OPA3: variants seen among roughly 807,000 people sequenced by gnomAD.
The protein encoded by OPA3 is optic atrophy 3 protein.
Under a neutral mutation model 4.0 loss-of-function variants are expected in OPA3, and 6 were observed. That is an observed-to-expected ratio of 1.51 (90% CI 0.83 to 2.99). OPA3 has a LOEUF of 2.99. OPA3 is among the 30% of genes most tolerant of loss of function. OPA3 has a pLI of 0.00. For synonymous variants in OPA3, 105 were observed against 117.1 expected (o/e 0.90, Z 0.67); for missense variants, 235 against 256.2 (o/e 0.92, Z 0.56).
intron 1 of OPA3, among the ~76,000 whole-genome samples, chr19:45,556,791 A>C (rs1171387073): frequency 2.0e-5 from 3 of 152,168 alleles, no homozygotes; most frequent in African/African-American, 7.2e-5. Context: ...CAGCTGCTGC[A>C]GTTACTGTTA....
chr19:45,550,032 C>T lies in OPA3; in HGVS notation c.*3482G>A, dbSNP rs1969308595. The T allele has an allele frequency of 2.2e-6, 1 of 457,880 alleles. No homozygotes were observed. Among genetic ancestry groups the T allele is most frequent in the Admixed American group, 6.4e-5 (1 of 15,620 alleles). The allele number at this position is 457,880 out of a possible 1,614,324, so 28.4% of individuals were successfully genotyped here. On this transcript the variant is annotated 3_prime_UTR_variant, in exon 2 of 2. Coordinates refer to ENST00000263275, the MANE Select transcript of OPA3 (RefSeq NM_025136.4). ...ATTAGCCAGGCGTGGGTGGTGGGCA[C>T]ATGTAATCCCAGCTACTTCGGAAGC...
At chr19:45,555,167 T>C (rs1969401768) in intron 1 of OPA3, among the ~76,000 whole-genome samples, 1 of 152,154 alleles carries the variant, frequency 6.6e-6, no homozygotes, top group Admixed American at 6.6e-5. Context: ...AACTTAGCAT[T>C]TAGAACCTTA....
chr19:45,544,899 C>T (rs1409789554), downstream of OPA3, among the ~76,000 whole-genome samples: 25 of 152,114 alleles, frequency 1.6e-4, no homozygotes, highest in Non-Finnish European at 2.9e-5. Flanking sequence ...AGGAGAATCG[C>T]TTGAAGCCAG....
chr19:45,558,371 G>A (rs1295383907), intron 1 of OPA3, among the ~76,000 whole-genome samples: 2 of 151,860 alleles, frequency 1.3e-5, no homozygotes, highest in African/African-American at 2.4e-5. Flanking sequence ...ATTCCCCGTC[G>A]CCCCACCCCC....
intron 1 of OPA3, among the ~76,000 whole-genome samples, chr19:45,569,993 G>A (rs1301584203): frequency 6.6e-6 from 1 of 152,170 alleles, no homozygotes; most frequent in African/African-American, 2.4e-5. Context: ...AATTACAGAT[G>A]AGCACAAACT....
exon 2 of OPA3, chr19:45,529,126 T>A: frequency 6.2e-7 from 1 of 1,608,870 alleles, no homozygotes; most frequent in Non-Finnish European, 8.5e-7. Context: ...GGCTCGCACC[T>A]CCTGCAGCTG....
intron 1 of OPA3, among the ~76,000 whole-genome samples, chr19:45,564,857 G>A (rs937009921): frequency 5.9e-5 from 9 of 152,086 alleles, no homozygotes; most frequent in African/African-American, 2.2e-4. Flanking sequence ...ATGCTCAAAT[G>A]TCCTATCATA....
Position 45,530,927 on chromosome 19 carries a change from C to CTTTT in OPA3, c.143-1475_143-1472dup, listed in dbSNP as rs71173176. On this transcript the variant is annotated intron_variant, in intron 1 of 1. Coordinates refer to the OPA3 transcript ENST00000323060. ...ATGGCGTGTGCCACCATGTCACCTACTTTTTTTTTTTTTTTTTTTTTTTTT... is the reference window on the plus strand; with the variant it reads ...ATGGCGTGTGCCACCATGTCACCTACTTTTTTTTTTTTTTTTTTTTTTTTTTTTT... Among the ~76,000 whole-genome samples, 23 of 35,430 alleles carry CTTTT rather than the reference C, an allele frequency of 6.5e-4. 1 individual carries two copies. The highest frequency in any genetic ancestry group is 1.7e-3 in the East Asian group (2 of 1,160). The allele number at this position is 35,430 out of a possible 152,430, so 23.2% of individuals were successfully genotyped here.
At chr19:45,537,396 C>CAAAAAAAAAAAAAAAAAAAAAA (rs1181396046) in intron 1 of OPA3, among the ~76,000 whole-genome samples, 3 of 28,918 alleles carry the variant, frequency 1.0e-4, no homozygotes, top group African/African-American at 1.6e-4. Context: ...GACTCTGTCT[C>CAAAAAAAAAAAAAAAAAAAAAA]AAAAAAAAAA....
At chr19:45,527,934 G>T (rs928355116) in exon 2 of OPA3, 1 of 152,340 alleles carries the variant, frequency 6.6e-6, no homozygotes, top group South Asian at 2.1e-4. Flanking sequence ...CTGGGCTGAG[G>T]GACAGGTAGT....
At chr19:45,582,077 G>T (rs1376939856) in intron 1 of OPA3, among the ~76,000 whole-genome samples, 1 of 151,938 alleles carries the variant, frequency 6.6e-6, no homozygotes, top group African/African-American at 2.4e-5. Context: ...AATTACAGAC[G>T]TGAGCCACCG....
intron 1 of OPA3, among the ~76,000 whole-genome samples, chr19:45,537,396 C>CAAAAAAAA (rs1181396046): frequency 8.3e-4 from 24 of 28,910 alleles, no homozygotes; most frequent in South Asian, 2.6e-3. Flanking sequence ...GACTCTGTCT[C>CAAAAAAAA]AAAAAAAAAA....
intron 1 of OPA3, among the ~76,000 whole-genome samples, chr19:45,530,927 CTTTTTTTTTTTTTTTTT>C (rs71173176): frequency 9.6e-4 from 34 of 35,460 alleles, no homozygotes; most frequent in South Asian, 2.6e-3. Context: ...ATGTCACCTA[CTTTTTTTTTTTTTTTTT>C]TTTTTTTTTT....
At chr19:45,572,518 G>T (rs1206262800) in intron 1 of OPA3, among the ~76,000 whole-genome samples, 5 of 123,320 alleles carry the variant, frequency 4.1e-5, no homozygotes, top group Admixed American at 9.1e-5. Flanking sequence ...TCATATATGA[G>T]ATATGAGATA....
chr19:45,540,244 G>A (rs1275062250), intron 1 of OPA3, among the ~76,000 whole-genome samples: 4 of 152,072 alleles, frequency 2.6e-5, no homozygotes, highest in Admixed American at 2.6e-4. Flanking sequence ...TTGAACCCAG[G>A]AGGCAGAAAT....
Position 45,552,002 on chromosome 19 carries a change from G to C in OPA3, c.*1512C>G. 2 of 985,458 alleles carry C rather than the reference G, an allele frequency of 2.0e-6. No individual in the cohort carries two copies. Among genetic ancestry groups the C allele is most frequent in the Non-Finnish European group, 2.4e-6 (2 of 830,078 alleles). 61.0% of individuals were successfully genotyped at this position (985,458 alleles called of 1,614,324 possible). On this transcript the variant is annotated 3_prime_UTR_variant, in exon 2 of 2. Coordinates refer to ENST00000263275, the MANE Select transcript of OPA3 (RefSeq NM_025136.4). ...GAGGACAGGAAAATAGGGGGCTGAG[G>C]CTGAAGGACAGGCTGGATTAGCCCT...
Position 45,584,736 on chromosome 19 carries a change from T to C in OPA3, c.29A>G (p.Lys10Arg), listed in dbSNP as rs1969907943. 6.2e-7 allele frequency: 1 copy of C among 1,614,124 alleles called. No individual in the cohort carries two copies. The highest frequency in any genetic ancestry group is 8.5e-7 in the Non-Finnish European group (1 of 1,180,042). Residue 10 changes from lysine to arginine, a missense_variant, in exon 1 of 2, where the codon AAG becomes AGG. Coordinates refer to ENST00000263275, the MANE Select transcript of OPA3 (RefSeq NM_025136.4). ...CTGCCGGATGCCCAAGTATAGCAGC[T>C]TCGCCATAGGGAACGCGCCCACCAC... MVVGAFPMA[K>R]LLYLGIRQVS...
downstream of OPA3, among the ~76,000 whole-genome samples, chr19:45,543,404 T>C (rs1324594465): frequency 6.6e-6 from 1 of 151,850 alleles, no homozygotes; most frequent in Non-Finnish European, 1.5e-5. Flanking sequence ...CACTGTAGCC[T>C]CCAACTCCTG....
intron 1 of OPA3, among the ~76,000 whole-genome samples, chr19:45,582,857 A>G (rs1969876650): frequency 6.6e-6 from 1 of 152,168 alleles, no homozygotes; most frequent in African/African-American, 2.4e-5. Flanking sequence ...GGCTAATGTT[A>G]GTCCTACAAA....
Sources: allele counts gnomAD v4.1 joint callset (sites outside exome capture counted in the v4.1 genomes callset), GRCh38; gene constraint gnomAD v4.1.1; transcripts MANE v1.5; gene names NCBI Gene and HGNC (gene_info 2026-07-23, HGNC 2026-07-21).